Variants in TMOD3 observed in about 807,000 individuals in gnomAD.
TMOD3 encodes the protein tropomodulin-3.
Under a neutral mutation model 39.2 loss-of-function variants are expected in TMOD3, and 20 were observed. That is an observed-to-expected ratio of 0.51 (90% CI 0.36 to 0.74). The LOEUF (loss-of-function observed/expected upper bound fraction) is 0.74. TMOD3 is among the 30% of genes least tolerant of loss of function. The pLI is 0.00. For missense variants in TMOD3, 381 were observed against 412.8 expected, an observed-to-expected ratio of 0.92 and a Z score of 0.67; for synonymous variants, 143 against 145.8, an observed-to-expected ratio of 0.98 and a Z score of 0.14.
chr15:51,896,370 T>G (rs1224462016), intron 6 of TMOD3, 49 bp from the exon 7 acceptor site: 1 of 1,332,480 alleles, frequency 7.5e-7, no homozygotes, highest in African/African-American at 1.5e-5. Context: ...GGAAACTAAA[T>G]ATAATGAAAA....
intron 3 of TMOD3, among the ~76,000 whole-genome samples, chr15:51,870,640 A>C (rs1674059915): frequency 6.6e-6 from 1 of 152,160 alleles, no homozygotes; most frequent in Non-Finnish European, 1.5e-5. Flanking sequence ...TTGAGTAGGT[A>C]AGCCGTAAGC....
intron 9 of TMOD3, among the ~76,000 whole-genome samples, chr15:51,903,198 A>G (rs572560534): frequency 6.6e-6 from 1 of 152,176 alleles, no homozygotes; most frequent in Non-Finnish European, 1.5e-5. Context: ...TCATTCTCCT[A>G]TGGTTCCTAT....
chr15:51,866,034 TAAAG>T (rs1375400439), intron 2 of TMOD3, among the ~76,000 whole-genome samples: 3 of 152,278 alleles, frequency 2.0e-5, no homozygotes, highest in Admixed American at 1.3e-4. Flanking sequence ...ACAATCATAT[TAAAG>T]AAAATTTTTA....
chr15:51,876,876 C>G (rs1159756183), intron 3 of TMOD3, among the ~76,000 whole-genome samples: 2 of 152,072 alleles, frequency 1.3e-5, no homozygotes, highest in African/African-American at 2.4e-5. Context: ...GCTTGGGCAA[C>G]ACAGTGAGAC....
At chr15:51,877,635 G>T (rs932121920) in intron 3 of TMOD3, among the ~76,000 whole-genome samples, 8 of 150,926 alleles carry the variant, frequency 5.3e-5, no homozygotes, top group Non-Finnish European at 1.0e-4. Flanking sequence ...AGCCGAGATT[G>T]CACCACTGCA....
chr15:51,869,156 C>G (rs555088865), intron 2 of TMOD3, 61 bp from the exon 3 acceptor site: 1 of 1,548,540 alleles, frequency 6.5e-7, no homozygotes, highest in Admixed American at 2.0e-5. Flanking sequence ...GGGTAATCTT[C>G]GGAAGCATAT....
chr15:51,872,844 C>T (rs2056482714), intron 3 of TMOD3, among the ~76,000 whole-genome samples: 1 of 152,134 alleles, frequency 6.6e-6, no homozygotes, highest in Non-Finnish European at 1.5e-5. Context: ...AAGAGATTTT[C>T]ATTCTCTGTC....
intron 1 of TMOD3, among the ~76,000 whole-genome samples, chr15:51,846,133 T>G (rs573847582): frequency 6.9e-6 from 1 of 144,968 alleles, no homozygotes; most frequent in South Asian, 2.2e-4. Flanking sequence ...CTGGGCAACA[T>G]GGTAAAACCC....
At chr15:51,900,414 C>A in intron 8 of TMOD3, 116 bp downstream of exon 8, 1 of 1,188,528 alleles carries the variant, frequency 8.4e-7, no homozygotes, top group Non-Finnish European at 1.2e-6. Context: ...TTGGAAGATG[C>A]TGGGCTGAAA....
rs928007327 is a variant in TMOD3, at chr15:51,911,068, G to A, written c.*2258G>A. Reference sequence around the variant, plus strand: ...CTGCACAGTTCCAGCAAGATTGGGAGTCAGGCATGGAGCAGGCATCTCAGG... The same window carrying A: ...CTGCACAGTTCCAGCAAGATTGGGAATCAGGCATGGAGCAGGCATCTCAGG... On this transcript the variant is annotated 3_prime_UTR_variant, in exon 10 of 10. Coordinates refer to ENST00000308580, the MANE Select transcript of TMOD3 (RefSeq NM_014547.5). The A allele has an allele frequency of 6.6e-6, 1 of 152,078 alleles. No homozygotes were observed. Among genetic ancestry groups the A allele is most frequent in the Non-Finnish European group, 1.5e-5 (1 of 68,050 alleles). The allele number at this position is 152,078 out of a possible 1,614,324, so 9.4% of individuals were successfully genotyped here. A position where few individuals can be genotyped will look rare whatever the true frequency, so the allele number is the denominator to read the frequency against.
chr15:51,892,401 A>G (rs763245908), intron 5 of TMOD3: 1 of 152,240 alleles, frequency 6.6e-6, no homozygotes, highest in African/African-American at 2.4e-5. Flanking sequence ...ATCAGAGCAC[A>G]GTGATCTCTT....
At chr15:51,832,230 T>TATATATATATA (rs1450593296) in intron 1 of TMOD3, among the ~76,000 whole-genome samples, 31 of 136,618 alleles carry the variant, frequency 2.3e-4, no homozygotes, top group African/African-American at 8.3e-4. Context: ...TATATATATA[T>TATATATATATA]ATGAATGACA....
chr15:51,834,957 T>G (rs1038840842), intron 1 of TMOD3: 1 of 152,264 alleles, frequency 6.6e-6, no homozygotes, highest in Non-Finnish European at 1.5e-5. Context: ...GCACGGACCC[T>G]GACCTTAAAA....
In TMOD3 at chr15:51,861,075, C is replaced by T. The variant is rs566968518; in HGVS notation, c.-74-1736C>T. ...ATCCTTCTTAAATGAATATCCAATGCGTGTTCTTCTCTGGATCTGTTCGAA... is the reference window on the plus strand; with the variant it reads ...ATCCTTCTTAAATGAATATCCAATGTGTGTTCTTCTCTGGATCTGTTCGAA... On this transcript the variant is annotated intron_variant, in intron 1 of 9. Coordinates refer to ENST00000308580, the MANE Select transcript of TMOD3 (RefSeq NM_014547.5). 136 of 648,134 alleles carry T rather than the reference C, an allele frequency of 2.1e-4. 2 individuals are homozygous for T. Among genetic ancestry groups the T allele is most frequent in the South Asian group, 1.5e-3 (108 of 70,118 alleles). 40.1% of individuals were successfully genotyped at this position (648,134 alleles called of 1,614,324 possible).
intron 5 of TMOD3, among the ~76,000 whole-genome samples, chr15:51,891,210 A>G (rs1595908134): frequency 1.4e-5 from 2 of 145,504 alleles, no homozygotes; most frequent in African/African-American, 5.1e-5. Flanking sequence ...AGTCTCCCTT[A>G]ATTTCTTAAC....
chr15:51,841,721 A>G (rs1313196129), intron 1 of TMOD3, among the ~76,000 whole-genome samples: 4 of 152,062 alleles, frequency 2.6e-5, no homozygotes, highest in Admixed American at 2.6e-4. Flanking sequence ...CCCAATTGCC[A>G]CTAGCTGTAT....
intron 1 of TMOD3, among the ~76,000 whole-genome samples, chr15:51,851,943 C>G (rs1247382547): frequency 6.6e-6 from 1 of 152,136 alleles, no homozygotes; most frequent in East Asian, 1.9e-4. Context: ...CAAAAGTCAT[C>G]TTTCAGAACA....
At chr15:51,869,750 A>T (rs536661188) in intron 3 of TMOD3, among the ~76,000 whole-genome samples, 1 of 152,328 alleles carries the variant, frequency 6.6e-6, no homozygotes, top group Admixed American at 6.5e-5. Context: ...AAAACAATTC[A>T]TGCCATATTT....
intron 3 of TMOD3, among the ~76,000 whole-genome samples, chr15:51,871,084 A>C (rs1350781903): frequency 6.6e-6 from 1 of 152,220 alleles, no homozygotes; most frequent in African/African-American, 2.4e-5. Flanking sequence ...AAACGTTTAG[A>C]ACAATGTTTG....
Sources: gnomAD v4.1 joint callset for allele counts (sites outside exome capture counted in the v4.1 genomes callset) on GRCh38, gnomAD v4.1.1 for gene constraint, MANE v1.5 for transcripts, NCBI Gene and HGNC (gene_info 2026-07-23, HGNC 2026-07-21) for gene names.